PALLD: variants seen among roughly 807,000 people sequenced by gnomAD.
The protein encoded by PALLD is palladin, cytoskeletal associated protein.
A neutral mutation model predicts 123.5 loss-of-function variants in PALLD; 61 were observed. That is an observed-to-expected ratio of 0.49 (90% confidence interval 0.40 to 0.61). The LOEUF is 0.61. PALLD is among the 20% of genes least tolerant of loss of function. The pLI is 0.00. For synonymous variants in PALLD, 465 were observed against 496.4 expected, an observed-to-expected ratio of 0.94 and a Z score of 0.84; for missense variants, 1,273 against 1,377.0, an observed-to-expected ratio of 0.92 and a Z score of 1.20.
At position 168,654,985 on chromosome 4, in the gene PALLD, T is replaced by TTG. The variant is rs10579101; in HGVS notation, c.909-13185_909-13184dup. On this transcript the variant is annotated intron_variant, in intron 2 of 21. Coordinates refer to ENST00000505667, the MANE Select transcript of PALLD (RefSeq NM_001166108.2). ...TCCAGGCATATATGTATATGGCTACTTGTGTGTGTGTGTGTGTGTGTAATA... is the reference window on the plus strand; with the variant it reads ...TCCAGGCATATATGTATATGGCTACTTGTGTGTGTGTGTGTGTGTGTGTAATA... Among the ~76,000 whole-genome samples, 796 of 151,436 alleles carry TTG rather than the reference T, an allele frequency of 5.3e-3. 5 individuals are homozygous for TTG. The highest frequency in any genetic ancestry group is 0.018 in the African/African-American group (749 of 41,292).
chr4:168,509,970 T>C (rs1308920761), intron 1 of PALLD, among the ~76,000 whole-genome samples: 1 of 152,206 alleles, frequency 6.6e-6, no homozygotes, highest in East Asian at 1.9e-4. Flanking sequence ...GATGGGAAGA[T>C]ACTTCTACGC....
chr4:168,502,283 T>C (rs1346522276), intron 1 of PALLD, among the ~76,000 whole-genome samples: 1 of 152,224 alleles, frequency 6.6e-6, no homozygotes, highest in East Asian at 1.9e-4. Flanking sequence ...GAATTCTTTG[T>C]CTAACAGAAT....
chr4:168,568,899 A>G (rs1178054005), intron 2 of PALLD, among the ~76,000 whole-genome samples: 3 of 151,986 alleles, frequency 2.0e-5, no homozygotes, highest in Non-Finnish European at 2.9e-5. Context: ...GAGTTGTTCT[A>G]TATTTTAAGG....
intron 10 of PALLD, among the ~76,000 whole-genome samples, chr4:168,758,975 G>T (rs1170714147): frequency 6.6e-6 from 1 of 151,116 alleles, no homozygotes; most frequent in Non-Finnish European, 1.5e-5. Context: ...AGGAGTTCAA[G>T]ACCAGCCTGG....
At chr4:168,508,314 C>T (rs1762206114) in intron 1 of PALLD, among the ~76,000 whole-genome samples, 1 of 152,098 alleles carries the variant, frequency 6.6e-6, no homozygotes, top group Non-Finnish European at 1.5e-5. Context: ...AAGACATACT[C>T]AATTATATAA....
At chr4:168,502,278 C>A (rs910890116) in intron 1 of PALLD, among the ~76,000 whole-genome samples, 5 of 152,162 alleles carry the variant, frequency 3.3e-5, no homozygotes, top group African/African-American at 1.2e-4. Flanking sequence ...TTACAGAATT[C>A]TTTGTCTAAC....
chr4:168,499,078 T>G lies in PALLD; in HGVS notation c.-83+1884T>G, dbSNP rs1465709228. ...GAAAGGAAAATAATCCATGTGTATTTATTAAGAAATAAATTATAAAATTGT... is the reference window on the plus strand; with the variant it reads ...GAAAGGAAAATAATCCATGTGTATTGATTAAGAAATAAATTATAAAATTGT... On this transcript the variant is annotated intron_variant, in intron 1 of 21. Coordinates refer to ENST00000505667, the MANE Select transcript of PALLD (RefSeq NM_001166108.2). Among the ~76,000 whole-genome samples the G allele has an allele frequency of 2.0e-5, 3 of 148,988 alleles. No homozygotes were observed. In the East Asian group the frequency reaches 5.9e-4, roughly 29 times the overall value.
At chr4:168,543,017 C>A (rs1765791340) in intron 2 of PALLD, among the ~76,000 whole-genome samples, 1 of 151,878 alleles carries the variant, frequency 6.6e-6, no homozygotes, top group Admixed American at 6.6e-5. Context: ...AGATTTTGTG[C>A]CACTCTCCTA....
At chr4:168,549,266 A>T (rs1580258766) in intron 2 of PALLD, among the ~76,000 whole-genome samples, 2 of 17,732 alleles carry the variant, frequency 1.1e-4, no homozygotes, top group Admixed American at 1.0e-3. Flanking sequence ...CACACTTCTC[A>T]AAAAAAAAAA....
intron 2 of PALLD, among the ~76,000 whole-genome samples, chr4:168,588,259 C>T (rs1290145829): frequency 6.6e-6 from 1 of 152,060 alleles, no homozygotes; most frequent in Non-Finnish European, 1.5e-5. Context: ...AGCTATGAAA[C>T]TGGCCCATTA....
intron 2 of PALLD, among the ~76,000 whole-genome samples, chr4:168,639,961 A>G (rs1280614597): frequency 1.3e-5 from 2 of 152,174 alleles, no homozygotes; most frequent in African/African-American, 4.8e-5. Context: ...GTTCTCCAAC[A>G]ATTTCATCAT....
intron 10 of PALLD, among the ~76,000 whole-genome samples, chr4:168,813,925 G>A (rs1439134836): frequency 6.6e-6 from 1 of 152,092 alleles, no homozygotes; most frequent in Non-Finnish European, 1.5e-5. Flanking sequence ...TTTCATTATG[G>A]AACCTCACAG....
At chr4:168,526,668 A>G (rs1764079788) in intron 2 of PALLD, among the ~76,000 whole-genome samples, 1 of 152,162 alleles carries the variant, frequency 6.6e-6, no homozygotes, top group East Asian at 1.9e-4. Context: ...CTCAAAGCCA[A>G]TGGATGATAG....
intron 14 of PALLD, among the ~76,000 whole-genome samples, chr4:168,902,314 C>T (rs1021612035): frequency 3.3e-5 from 5 of 152,086 alleles, no homozygotes; most frequent in African/African-American, 4.8e-5. Flanking sequence ...CAACAAATAA[C>T]TTGCTGTGGC....
chr4:168,553,276 G>T (rs1766930682), intron 2 of PALLD, among the ~76,000 whole-genome samples: 2 of 152,128 alleles, frequency 1.3e-5, no homozygotes, highest in Admixed American at 1.3e-4. Flanking sequence ...AGGAGGGCAA[G>T]TCTGGGGAAA....
At chr4:168,824,297 C>T (rs530269748) in intron 10 of PALLD, among the ~76,000 whole-genome samples, 2 of 152,050 alleles carry the variant, frequency 1.3e-5, no homozygotes, top group South Asian at 4.2e-4. Flanking sequence ...TTTTACCAAT[C>T]CTCTTAAGTG....
chr4:168,615,161 T>TAAA (rs11381519), intron 2 of PALLD, among the ~76,000 whole-genome samples: 7 of 146,600 alleles, frequency 4.8e-5, no homozygotes, highest in African/African-American at 1.0e-4. Context: ...GATGGTAAGT[T>TAAA]AAAAAAAAAA....
At chr4:168,572,866 A>G (rs1769138241) in intron 2 of PALLD, among the ~76,000 whole-genome samples, 2 of 150,662 alleles carry the variant, frequency 1.3e-5, no homozygotes, top group South Asian at 4.2e-4. Context: ...TTCTTTTTAA[A>G]TTGTAAATCT....
intron 10 of PALLD, among the ~76,000 whole-genome samples, chr4:168,754,949 G>A (rs72701818): frequency 0.12 from 17,561 of 152,160 alleles, 1,111 homozygotes; most frequent in African/African-American, 0.17. Context: ...AAAGAAAAGG[G>A]TGGCCGGGCG....
Sources: gnomAD v4.1 joint callset for allele counts (sites outside exome capture counted in the v4.1 genomes callset) on GRCh38, gnomAD v4.1.1 for gene constraint, MANE v1.5 for transcripts, NCBI Gene and HGNC (gene_info 2026-07-23, HGNC 2026-07-21) for gene names.